LRP2: variants seen among roughly 807,000 people sequenced by gnomAD.
LRP2 encodes low-density lipoprotein receptor-related protein 2.
In LRP2, 172 loss-of-function variants were observed where a neutral mutation model predicts 531.0. The ratio of observed to expected loss-of-function variants is 0.32; its 90% CI spans 0.29 to 0.37. LRP2 has a LOEUF of 0.37. LRP2 is among the 10% of genes least tolerant of loss of function. The pLI is 1.00. For missense variants in LRP2, 5,167 were observed against 5,868.3 expected (o/e 0.88, Z 3.90); for synonymous variants, 1,992 against 2,027.6 (o/e 0.98, Z 0.47).
chr2:169,245,228 A>C (rs190571459), intron 21 of LRP2, among the ~76,000 whole-genome samples: 3 of 152,352 alleles, frequency 2.0e-5, no homozygotes, highest in Admixed American at 2.0e-4. Flanking sequence ...TTTACAGATA[A>C]GGAAATTGAG....
intron 1 of LRP2, among the ~76,000 whole-genome samples, chr2:169,325,414 T>C (rs1466327850): frequency 6.6e-6 from 1 of 152,234 alleles, no homozygotes. Context: ...CCTTAACTTA[T>C]CCATAATTTT....
intron 1 of LRP2, among the ~76,000 whole-genome samples, chr2:169,342,050 T>C (rs1469447035): frequency 1.3e-5 from 2 of 152,118 alleles, no homozygotes; most frequent in Non-Finnish European, 2.9e-5. Flanking sequence ...TACTCAGGCA[T>C]TGTGACAATC....
chr2:169,142,847 T>C (rs1205136530), intron 70 of LRP2, 54 bp from the exon 71 acceptor site: 72 of 1,606,018 alleles, frequency 4.5e-5, no homozygotes, highest in East Asian at 2.2e-5. Flanking sequence ...ATAACCTGAA[T>C]ACCCAGCAAC....
chr2:169,130,959 A>G (rs1489312653), intron 77 of LRP2, among the ~76,000 whole-genome samples: 1 of 152,184 alleles, frequency 6.6e-6, no homozygotes, highest in Non-Finnish European at 1.5e-5. Flanking sequence ...CCTCCCCACC[A>G]CAGTCCCCTT....
intron 35 of LRP2, among the ~76,000 whole-genome samples, chr2:169,214,772 C>T (rs1011457258): frequency 2.0e-5 from 3 of 152,190 alleles, no homozygotes; most frequent in Admixed American, 6.5e-5. Flanking sequence ...ATCCAACTTG[C>T]TGACTGTGGC....
chr2:169,348,172 G>A (rs1345349430), intron 1 of LRP2, among the ~76,000 whole-genome samples: 1 of 152,176 alleles, frequency 6.6e-6, no homozygotes, highest in Admixed American at 6.5e-5. Context: ...TTAGGCCAAT[G>A]CCTGGTATAG....
intron 48 of LRP2, among the ~76,000 whole-genome samples, chr2:169,190,347 T>C (rs1314770773): frequency 1.3e-5 from 2 of 152,224 alleles, no homozygotes; most frequent in East Asian, 3.8e-4. Context: ...CTACCACCTC[T>C]CAGCAATGTC....
intron 76 of LRP2, among the ~76,000 whole-genome samples, chr2:169,136,707 T>G (rs2105333765): frequency 7.2e-6 from 1 of 139,364 alleles, no homozygotes; most frequent in South Asian, 2.3e-4. Context: ...CCTACCCAAA[T>G]CTTATAAAAC....
At chr2:169,345,266 G>A (rs989324950) in intron 1 of LRP2, among the ~76,000 whole-genome samples, 3 of 152,150 alleles carry the variant, frequency 2.0e-5, no homozygotes, top group African/African-American at 4.8e-5. Context: ...CAAGTTTGGG[G>A]AAATTTTGTT....
chr2:169,184,654 CA>C (rs1687563630), intron 50 of LRP2, among the ~76,000 whole-genome samples: 1 of 152,218 alleles, frequency 6.6e-6, no homozygotes, highest in Non-Finnish European at 1.5e-5. Flanking sequence ...TAAAGACTGT[CA>C]GTTTCCATAA....
intron 38 of LRP2, among the ~76,000 whole-genome samples, chr2:169,208,158 C>T (rs547696744): frequency 6.6e-6 from 1 of 152,280 alleles, no homozygotes; most frequent in African/African-American, 2.4e-5. Context: ...TTCACAAGTA[C>T]TCAACACTGC....
intron 63 of LRP2, among the ~76,000 whole-genome samples, chr2:169,159,392 A>C (rs1686489076): frequency 6.6e-6 from 1 of 152,166 alleles, no homozygotes; most frequent in African/African-American, 2.4e-5. Context: ...CATTAAGAAC[A>C]CTGGGTTTCA....
At chr2:169,241,693 A>G (rs1343066850) in intron 24 of LRP2, among the ~76,000 whole-genome samples, 1 of 152,182 alleles carries the variant, frequency 6.6e-6, no homozygotes, top group African/African-American at 2.4e-5. Flanking sequence ...TCAATAATAA[A>G]GTTTATCTAT....
intron 53 of LRP2, 132 bp downstream of exon 53, chr2:169,177,671 A>G: frequency 1.2e-6 from 1 of 823,406 alleles, no homozygotes; most frequent in Middle Eastern, 2.4e-4. Context: ...GTCAACTTTC[A>G]GCATATGCTT....
intron 76 of LRP2, among the ~76,000 whole-genome samples, chr2:169,134,308 A>G (rs1056130554): frequency 3.6e-4 from 55 of 152,266 alleles, no homozygotes; most frequent in African/African-American, 1.3e-3. Flanking sequence ...CACCTGACGC[A>G]TATACTGTCT....
intron 30 of LRP2, among the ~76,000 whole-genome samples, chr2:169,232,622 G>A (rs1001595500): frequency 6.6e-6 from 1 of 152,082 alleles, no homozygotes; most frequent in Admixed American, 6.6e-5. Flanking sequence ...TAGGTAGAGC[G>A]GTCAATGAGG....
chr2:169,285,165 A>C (rs576327218), intron 9 of LRP2, among the ~76,000 whole-genome samples: 1 of 151,946 alleles, frequency 6.6e-6, no homozygotes, highest in South Asian at 2.1e-4. Context: ...AAAAAAAAAA[A>C]AAAAAAATTA....
At chr2:169,199,047 G>A in intron 44 of LRP2, 136 bp from the exon 45 acceptor site, 1 of 810,322 alleles carries the variant, frequency 1.2e-6, no homozygotes, top group East Asian at 2.8e-5. Flanking sequence ...CAGAAAGGCA[G>A]GATCCATGAT....
At chr2:169,333,254 A>G (rs906835354) in intron 1 of LRP2, among the ~76,000 whole-genome samples, 1 of 152,188 alleles carries the variant, frequency 6.6e-6, no homozygotes, top group Non-Finnish European at 1.5e-5. Context: ...TTATAAGCAG[A>G]AAGTTCAAAA....
Sources: allele counts gnomAD v4.1 joint callset (sites outside exome capture counted in the v4.1 genomes callset), GRCh38; gene constraint gnomAD v4.1.1; transcripts MANE v1.5; gene names NCBI Gene and HGNC (gene_info 2026-07-23, HGNC 2026-07-21).